KATNIP: variants seen among roughly 807,000 people sequenced by gnomAD.
The protein encoded by KATNIP is katanin-interacting protein.
KATNIP carries 126 observed loss-of-function variants against 174.0 expected under a neutral mutation model. That is an observed-to-expected ratio of 0.72 (90% confidence interval 0.63 to 0.84). The LOEUF is 0.84. Among genes scored for constraint, KATNIP ranks in the 40% least tolerant of loss-of-function variants. The probability of loss-of-function intolerance (pLI) is 0.00; values close to 1 mark genes in which losing one functional copy is unlikely to be tolerated. For synonymous variants in KATNIP, 810 were observed against 835.7 expected (o/e 0.97, Z 0.53); for missense variants, 1,958 against 2,109.7 (o/e 0.93, Z 1.41).
chr16:27,609,664 A>G (rs1360082335), intron 2 of KATNIP, among the ~76,000 whole-genome samples: 2 of 150,034 alleles, frequency 1.3e-5, no homozygotes, highest in East Asian at 2.0e-4. Flanking sequence ...TGCTGGGATT[A>G]CAGGCGTGAG....
chr16:27,759,707 C>A (rs1280889213), intron 18 of KATNIP, among the ~76,000 whole-genome samples: 2 of 152,172 alleles, frequency 1.3e-5, no homozygotes, highest in African/African-American at 4.8e-5. Context: ...AGTCTCAAGC[C>A]CCGAGTGCTT....
intron 12 of KATNIP, among the ~76,000 whole-genome samples, chr16:27,707,077 G>A (rs985763573): frequency 1.3e-5 from 2 of 152,006 alleles, no homozygotes; most frequent in African/African-American, 4.8e-5. Flanking sequence ...CTCCCTATCC[G>A]CGTTCCCACC....
At chr16:27,607,651 G>A (rs1463507807) in intron 2 of KATNIP, among the ~76,000 whole-genome samples, 2 of 145,004 alleles carry the variant, frequency 1.4e-5, no homozygotes, top group Non-Finnish European at 3.0e-5. Context: ...AGGCTGGAGT[G>A]CAGTGGCACA....
chr16:27,592,270 C>CTT lies in KATNIP; in HGVS notation c.63+18343_63+18344dup, dbSNP rs71137799. Reference sequence around the variant, plus strand: ...TGAGGTAAGAGCTTTGCATATATTACTTTTTTTTTTTTTTTTTTTTTTTTT... The same window carrying CTT: ...TGAGGTAAGAGCTTTGCATATATTACTTTTTTTTTTTTTTTTTTTTTTTTTTT... On this transcript the variant is annotated intron_variant, in intron 2 of 27. Coordinates refer to ENST00000261588, the MANE Select transcript of KATNIP (RefSeq NM_015202.5). 6.3e-3 allele frequency among the ~76,000 whole-genome samples: 283 copies of CTT among 44,820 alleles called. 22 individuals carry two copies. Among genetic ancestry groups the CTT allele is most frequent in the African/African-American group, 0.018 (192 of 10,732 alleles). 29.4% of individuals were successfully genotyped at this position (44,820 alleles called of 152,430 possible).
intron 13 of KATNIP, among the ~76,000 whole-genome samples, chr16:27,713,545 A>G (rs905639603): frequency 2.0e-5 from 3 of 151,556 alleles, no homozygotes; most frequent in African/African-American, 7.3e-5. Context: ...GTTTGACACC[A>G]GCCTGGGCAA....
intron 27 of KATNIP, among the ~76,000 whole-genome samples, chr16:27,778,235 G>A (rs1321262475): frequency 6.6e-6 from 1 of 152,250 alleles, no homozygotes. Flanking sequence ...GAAGCAGTCA[G>A]GGACAGAGCA....
chr16:27,695,141 C>T (rs2078870256), intron 8 of KATNIP, among the ~76,000 whole-genome samples: 1 of 152,224 alleles, frequency 6.6e-6, no homozygotes, highest in Non-Finnish European at 1.5e-5. Context: ...GTGTCCCCTC[C>T]TCCACCGCTG....
At chr16:27,580,613 A>G (rs1224268017) in intron 2 of KATNIP, among the ~76,000 whole-genome samples, 1 of 152,112 alleles carries the variant, frequency 6.6e-6, no homozygotes, top group Admixed American at 6.6e-5. Flanking sequence ...AATATTCTAC[A>G]GGTATGCAGC....
intron 13 of KATNIP, among the ~76,000 whole-genome samples, chr16:27,715,073 T>G (rs1477220515): frequency 6.6e-6 from 1 of 152,218 alleles, no homozygotes; most frequent in Non-Finnish European, 1.5e-5. Flanking sequence ...AAAGACTGCA[T>G]GGTACTGGCA....
intron 1 of KATNIP, among the ~76,000 whole-genome samples, chr16:27,572,340 T>G (rs1018026740): frequency 1.4e-5 from 2 of 145,878 alleles, no homozygotes; most frequent in Non-Finnish European, 3.0e-5. Flanking sequence ...TCCTAGGTTC[T>G]TTGTCTTAAG....
chr16:27,604,603 G>A (rs1364180047), intron 2 of KATNIP, among the ~76,000 whole-genome samples: 1 of 152,202 alleles, frequency 6.6e-6, no homozygotes, highest in Non-Finnish European at 1.5e-5. Context: ...TAGAGACTTT[G>A]CTGGGCTCAC....
intron 8 of KATNIP, among the ~76,000 whole-genome samples, chr16:27,690,733 C>T (rs1459128059): frequency 1.3e-5 from 2 of 152,146 alleles, no homozygotes; most frequent in Admixed American, 1.3e-4. Context: ...CTTTTTGCCA[C>T]ACAACATAGT....
intron 19 of KATNIP, 58 bp from the exon 20 acceptor site, chr16:27,766,251 G>C: frequency 1.3e-6 from 2 of 1,587,958 alleles, no homozygotes; most frequent in Non-Finnish European, 1.7e-6. Flanking sequence ...GGGCCCCACT[G>C]TGATGCCTCC....
rs1416233119 is a variant in KATNIP, at chr16:27,749,837, G to A, written c.2877G>A (p.Glu959=). ...LSRGQDGYSG[E]TDAGGDFKIP... The stretch of plus-strand genomic sequence containing the variant: ...GAGGGCAGGATGGCTACTCTGGAGA[G>A]ACAGACGCTGGGGGTGACTTTAAAA... The change falls in exon 16 of 28, where the codon GAG becomes GAA. Residue 959 remains glutamate, a synonymous_variant. Coordinates refer to ENST00000261588, the MANE Select transcript of KATNIP (RefSeq NM_015202.5). 1.2e-6 allele frequency: 2 copies of A among 1,613,960 alleles called. No homozygotes were observed. Among genetic ancestry groups the A allele is most frequent in the Non-Finnish European group, 1.7e-6 (2 of 1,180,000 alleles).
At chr16:27,606,988 C>T (rs573831747) in intron 2 of KATNIP, among the ~76,000 whole-genome samples, 66 of 152,200 alleles carry the variant, frequency 4.3e-4, no homozygotes, top group African/African-American at 1.4e-3. Flanking sequence ...CCCTAGTAGC[C>T]CTGGCTCATA....
At chr16:27,594,881 G>C (rs2075289820) in intron 2 of KATNIP, among the ~76,000 whole-genome samples, 2 of 152,186 alleles carry the variant, frequency 1.3e-5, no homozygotes, top group African/African-American at 4.8e-5. Flanking sequence ...GATAAAACAT[G>C]CAAACCACTC....
intron 14 of KATNIP, among the ~76,000 whole-genome samples, chr16:27,737,745 G>A (rs933096990): frequency 2.0e-5 from 3 of 152,084 alleles, no homozygotes; most frequent in South Asian, 2.1e-4. Context: ...GAGTACTGCC[G>A]AGCCGCCACA....
At chr16:27,684,186 G>A (rs376219497) in intron 8 of KATNIP, among the ~76,000 whole-genome samples, 7 of 152,152 alleles carry the variant, frequency 4.6e-5, no homozygotes, top group South Asian at 2.1e-4. Flanking sequence ...ACACAGCCCC[G>A]TGCAATAGGT....
chr16:27,564,111 T>A (rs1489566394), intron 1 of KATNIP, among the ~76,000 whole-genome samples: 2 of 151,900 alleles, frequency 1.3e-5, no homozygotes, highest in Non-Finnish European at 2.9e-5. Flanking sequence ...GGGGCCTGGC[T>A]TGGAGAGCGG....
Sources: allele counts gnomAD v4.1 joint callset (sites outside exome capture counted in the v4.1 genomes callset), GRCh38; gene constraint gnomAD v4.1.1; transcripts MANE v1.5; gene names NCBI Gene and HGNC (gene_info 2026-07-23, HGNC 2026-07-21).